The following GNA15 variants were observed in gnomAD, a reference collection of about 807,000 sequenced individuals.
GNA15 encodes guanine nucleotide-binding protein subunit alpha-15.
GNA15 carries 23 observed loss-of-function variants against 40.1 expected under a neutral mutation model. The observed-to-expected ratio is 0.57, with a 90% confidence interval of 0.41 to 0.81. The LOEUF (loss-of-function observed/expected upper bound fraction) is 0.81. GNA15 is among the 40% of genes least tolerant of loss of function. The pLI is 0.00. For synonymous variants in GNA15, 226 were observed against 210.4 expected, an observed-to-expected ratio of 1.07 and a Z score of -0.64; for missense variants, 522 against 515.8, an observed-to-expected ratio of 1.01 and a Z score of -0.12.
intron 4 of GNA15, among the ~76,000 whole-genome samples, chr19:3,152,980 G>A (rs1296041305): frequency 1.3e-5 from 2 of 152,134 alleles, no homozygotes; most frequent in African/African-American, 2.4e-5. Flanking sequence ...AATGTGGGTG[G>A]ATGGTTGGAA....
At position 3,148,654 on chromosome 19, in the gene GNA15, A is replaced by G; in HGVS notation, c.209A>G (p.Tyr70Cys). The stretch of plus-strand genomic sequence containing the variant: ...ATGCGGATCATCCACGGCGCCGGCT[A>G]CTCGGAGGAGGAGCGCAAGGGCTTC... ...KQMRIIHGAG[Y>C]SEEERKGFRP... is the part of the protein sequence containing the mutation. The change falls in exon 2 of 7, where the codon TAC becomes TGC. Residue 70 changes from tyrosine to cysteine, a missense_variant. Coordinates refer to ENST00000262958, the MANE Select transcript of GNA15 (RefSeq NM_002068.4). 1 of 1,590,852 alleles carries G rather than the reference A, an allele frequency of 6.3e-7. No homozygotes were observed. The highest frequency in any genetic ancestry group is 8.6e-7 in the Non-Finnish European group (1 of 1,168,698).
At chr19:3,160,982 G>T (rs1915128092) in intron 6 of GNA15, among the ~76,000 whole-genome samples, 2 of 132,456 alleles carry the variant, frequency 1.5e-5, no homozygotes, top group South Asian at 4.7e-4. Context: ...TTGCTCTGTT[G>T]CCCAGGCTAG....
chr19:3,151,740 G>C lies in GNA15; in HGVS notation c.519G>C (p.Glu173Asp). ...YLSHLERITE[E>D]GYVPTAQDVL... ...CCCACCTGGAGCGCATCACCGAGGA[G>C]GGCTACGTCCCCACAGCTCAGGACG... Residue 173 changes from glutamate to aspartate, a missense_variant, in exon 4 of 7, where the codon GAG becomes GAC. Physicochemically the swap from Glu to Asp is conservative, Grantham distance 45. Transcript: ENST00000262958. This position sits in a 1 kb window ranked among gnomAD's most constrained non-coding sequence, Gnocchi z 5.0. The C allele has an allele frequency of 6.2e-7, 1 of 1,609,918 alleles. No individual in the cohort carries two copies. The highest frequency in any genetic ancestry group is 8.5e-7 in the Non-Finnish European group (1 of 1,178,298).
intron 1 of GNA15, among the ~76,000 whole-genome samples, chr19:3,148,056 CTGT>C (rs1191925187): frequency 1.4e-5 from 2 of 148,046 alleles, no homozygotes; most frequent in Non-Finnish European, 3.0e-5. Flanking sequence ...CAGGCATGGT[CTGT>C]TGAGGTCCAT....
chr19:3,156,142 ATTTG>A (rs1050873438), intron 5 of GNA15, among the ~76,000 whole-genome samples, 190 bp downstream of exon 5: 3 of 150,098 alleles, frequency 2.0e-5, no homozygotes, highest in Admixed American at 6.7e-5. Flanking sequence ...GACCTACAGC[ATTTG>A]TTTGGTCAGG....
At chr19:3,147,565 GAAAAAAGA>G (rs1914756365) in intron 1 of GNA15, among the ~76,000 whole-genome samples, 2 of 146,560 alleles carry the variant, frequency 1.4e-5, no homozygotes, top group Admixed American at 6.8e-5. Flanking sequence ...AAGAAAAAAA[GAAAAAAGA>G]AAAAAACCCA....
At chr19:3,156,163 G>GACAC (rs141415003) in intron 5 of GNA15, among the ~76,000 whole-genome samples, 7,376 of 135,914 alleles carry the variant, frequency 0.054, 253 homozygotes, top group East Asian at 0.15. Context: ...CAGGACCCCA[G>GACAC]ACACACACAC....
intron 2 of GNA15, 159 bp downstream of exon 2, chr19:3,148,934 C>T: frequency 1.5e-6 from 1 of 649,914 alleles, no homozygotes; most frequent in Non-Finnish European, 2.6e-6. Flanking sequence ...AAGGCCATGT[C>T]CTCCAGACAT....
chr19:3,148,657 CGGA>C lies in GNA15; in HGVS notation c.220_222del (p.Glu74del). On this transcript the variant is annotated inframe_deletion, in exon 2 of 7. Transcript: ENST00000262958. ...CGGATCATCCACGGCGCCGGCTACT[CGGA>C]GGAGGAGCGCAAGGGCTTCCGGCCC... 1 of 1,591,038 alleles carries C rather than the reference CGGA, an allele frequency of 6.3e-7. No individual in the cohort carries two copies.
At chr19:3,156,309 G>A (rs1364428131) in intron 5 of GNA15, among the ~76,000 whole-genome samples, 1 of 150,562 alleles carries the variant, frequency 6.6e-6, no homozygotes, top group Non-Finnish European at 1.5e-5. Context: ...ATGTACACAC[G>A]CAGTGCACAT....
At chr19:3,152,456 A>T (rs1914903031) in intron 4 of GNA15, among the ~76,000 whole-genome samples, 1 of 151,920 alleles carries the variant, frequency 6.6e-6, no homozygotes, top group Non-Finnish European at 1.5e-5. Context: ...GGTGGGCTAG[A>T]GGATGAAAAG....
At chr19:3,157,539 C>T (rs1043742382) in intron 5 of GNA15, among the ~76,000 whole-genome samples, 189 bp from the exon 6 acceptor site, 1 of 152,194 alleles carries the variant, frequency 6.6e-6, no homozygotes, top group African/African-American at 2.4e-5. Context: ...CCAGCACAGG[C>T]ACAAAACCAT....
At chr19:3,140,137 G>C (rs181981532) in intron 1 of GNA15, among the ~76,000 whole-genome samples, 2 of 149,462 alleles carry the variant, frequency 1.3e-5, no homozygotes, top group African/African-American at 2.5e-5. Context: ...GTATCATATC[G>C]ATATGTCTTA....
chr19:3,153,029 G>T (rs184047460), intron 4 of GNA15, among the ~76,000 whole-genome samples: 1 of 152,126 alleles, frequency 6.6e-6, no homozygotes, highest in South Asian at 2.1e-4. Flanking sequence ...CCCCTTCCAC[G>T]CTGTGGAAGC....
chr19:3,139,994 C>G (rs1468278716), intron 1 of GNA15, among the ~76,000 whole-genome samples: 1 of 140,640 alleles, frequency 7.1e-6, no homozygotes, highest in Non-Finnish European at 1.6e-5. Context: ...GATCACACCA[C>G]TGAACTCCAG....
intron 1 of GNA15, among the ~76,000 whole-genome samples, chr19:3,144,072 C>T (rs527539320): frequency 2.7e-5 from 4 of 148,916 alleles, no homozygotes; most frequent in Admixed American, 1.4e-4. Flanking sequence ...TACAGTGAGC[C>T]GAGATCGCGA....
Position 3,162,787 on chromosome 19 carries a change from C to T in GNA15, c.899-6C>T. On this transcript the variant is annotated splice_region_variant and splice_polypyrimidine_tract_variant and intron_variant, in intron 6 of 6. Coordinates refer to ENST00000262958, the MANE Select transcript of GNA15 (RefSeq NM_002068.4). ...TCCTCACCCCCTTCCCACACTGTTT[C>T]CCCAGGCCCTAAGCAGGATGCTGAG... is the stretch of plus-strand genomic sequence containing the variant. 2 of 1,606,374 alleles carry T rather than the reference C, an allele frequency of 1.2e-6. No homozygotes were observed. The highest frequency in any genetic ancestry group is 1.7e-6 in the Non-Finnish European group (2 of 1,173,190).
At chr19:3,150,612 G>A (rs1284579789) in intron 3 of GNA15, among the ~76,000 whole-genome samples, 1 of 152,124 alleles carries the variant, frequency 6.6e-6, no homozygotes, top group African/African-American at 2.4e-5. Flanking sequence ...CTGTTCCTGA[G>A]GGAATCCAGT....
chr19:3,150,655 T>C (rs1038346630), intron 3 of GNA15, among the ~76,000 whole-genome samples: 2 of 152,020 alleles, frequency 1.3e-5, no homozygotes, highest in Non-Finnish European at 2.9e-5. Flanking sequence ...GGGGGTATCC[T>C]GTTCCTAGAG....
Sources: gnomAD v4.1 joint callset for allele counts (sites outside exome capture counted in the v4.1 genomes callset) on GRCh38, gnomAD v4.1.1 for gene constraint, Gnocchi (gnomAD v3.1) non-coding constraint, MANE v1.5 for transcripts, NCBI Gene and HGNC (gene_info 2026-07-23, HGNC 2026-07-21) for gene names.